Variants in KCNH7 observed in about 807,000 individuals in gnomAD.
The protein encoded by KCNH7 is potassium voltage-gated channel subfamily H member 7.
In KCNH7, 49 loss-of-function variants were observed where a neutral mutation model predicts 120.8. That is an observed-to-expected ratio of 0.41 (90% CI 0.32 to 0.51). The LOEUF (loss-of-function observed/expected upper bound fraction) is 0.51, where lower values mean the gene tolerates loss of function less well. Among genes scored for constraint, KCNH7 ranks in the 20% least tolerant of loss-of-function variants. The probability of loss-of-function intolerance (pLI) is 0.38; values close to 1 mark genes in which losing one functional copy is unlikely to be tolerated. For synonymous variants in KCNH7, 547 were observed against 516.1 expected (o/e 1.06, Z -0.81); for missense variants, 1,097 against 1,446.6 (o/e 0.76, Z 3.92).
intron 2 of KCNH7, among the ~76,000 whole-genome samples, chr2:162,676,166 T>G (rs1685523142): frequency 6.6e-6 from 1 of 151,512 alleles, no homozygotes; most frequent in South Asian, 2.1e-4. Flanking sequence ...CTTGAATACA[T>G]TGTAATAGTG....
intron 2 of KCNH7, among the ~76,000 whole-genome samples, chr2:162,638,638 G>T (rs1684044212): frequency 6.6e-6 from 1 of 152,068 alleles, no homozygotes; most frequent in African/African-American, 2.4e-5. Flanking sequence ...ATGACTATCA[G>T]CAATATGTAC....
chr2:162,752,009 G>A (rs1254005831), intron 2 of KCNH7, among the ~76,000 whole-genome samples: 1 of 151,946 alleles, frequency 6.6e-6, no homozygotes, highest in African/African-American at 2.4e-5. Context: ...TTAAGTATTT[G>A]CTTGTTTTCC....
chr2:162,671,672 T>C (rs898773929), intron 2 of KCNH7, among the ~76,000 whole-genome samples: 3 of 151,946 alleles, frequency 2.0e-5, no homozygotes, highest in Admixed American at 6.6e-5. Flanking sequence ...ATGCAATATA[T>C]CTATGTAACA....
intron 2 of KCNH7, among the ~76,000 whole-genome samples, chr2:162,695,463 T>A (rs1009982400): frequency 1.3e-5 from 2 of 152,090 alleles, no homozygotes; most frequent in South Asian, 2.1e-4. Flanking sequence ...GATATTTCTG[T>A]GAACTCCAAA....
intron 6 of KCNH7, among the ~76,000 whole-genome samples, chr2:162,480,235 T>C (rs1008275220): frequency 6.6e-6 from 1 of 152,160 alleles, no homozygotes; most frequent in Non-Finnish European, 1.5e-5. Context: ...CCTGACTGAT[T>C]ACTACATTGT....
chr2:162,395,041 TTAA>T (rs1686868927), intron 11 of KCNH7, among the ~76,000 whole-genome samples: 1 of 151,918 alleles, frequency 6.6e-6, no homozygotes, highest in African/African-American at 2.4e-5. Flanking sequence ...TTATGATTTT[TTAA>T]TAATATTTTC....
chr2:162,628,830 C>T (rs1049254196), intron 2 of KCNH7, among the ~76,000 whole-genome samples: 8 of 151,958 alleles, frequency 5.3e-5, no homozygotes, highest in African/African-American at 1.9e-4. Flanking sequence ...ATGTGTGCCA[C>T]TTTATTGCTA....
chr2:162,504,388 G>A (rs979960349), intron 6 of KCNH7, 55 bp downstream of exon 6: 4 of 1,273,510 alleles, frequency 3.1e-6, no homozygotes, highest in Non-Finnish European at 3.4e-6. Context: ...TATGTTTCAT[G>A]GTGCAGAAAC....
At chr2:162,580,801 T>C (rs926346325) in intron 2 of KCNH7, among the ~76,000 whole-genome samples, 3 of 151,880 alleles carry the variant, frequency 2.0e-5, no homozygotes, top group African/African-American at 7.3e-5. Flanking sequence ...GGGTAGGAAA[T>C]AGAGGGCACA....
intron 3 of KCNH7, among the ~76,000 whole-genome samples, chr2:162,523,862 A>C (rs146533079): frequency 6.6e-6 from 1 of 151,904 alleles, no homozygotes. Flanking sequence ...CAAAAACCCA[A>C]TTAAATATAA....
intron 2 of KCNH7, among the ~76,000 whole-genome samples, chr2:162,767,387 G>C (rs1042529329): frequency 7.9e-5 from 12 of 152,022 alleles, no homozygotes; most frequent in Non-Finnish European, 1.8e-4. Flanking sequence ...ATGAAAGCTT[G>C]GTCCTCACAT....
intron 2 of KCNH7, among the ~76,000 whole-genome samples, chr2:162,691,526 T>C (rs181266048): frequency 1.3e-5 from 2 of 152,252 alleles, no homozygotes; most frequent in Admixed American, 1.3e-4. Flanking sequence ...TGATGAATTA[T>C]AGGAAAAACA....
chr2:162,734,523 T>A (rs182626840), intron 2 of KCNH7, among the ~76,000 whole-genome samples: 308 of 152,252 alleles, frequency 2.0e-3, no homozygotes, highest in Admixed American at 3.4e-3. Flanking sequence ...TGGGATGTAT[T>A]TTGAAACATT....
intron 2 of KCNH7, among the ~76,000 whole-genome samples, chr2:162,539,518 T>C (rs1692231631): frequency 6.6e-6 from 1 of 152,090 alleles, no homozygotes; most frequent in Admixed American, 6.6e-5. Context: ...GGCAAAATCA[T>C]GTTTTCTAAT....
chr2:162,374,856 A>G (rs1205704892), intron 14 of KCNH7, among the ~76,000 whole-genome samples: 1 of 152,292 alleles, frequency 6.6e-6, no homozygotes, highest in Non-Finnish European at 1.5e-5. Context: ...TGAATGATAC[A>G]TGACTTTGCA....
intron 2 of KCNH7, among the ~76,000 whole-genome samples, chr2:162,642,603 G>A (rs1684201318): frequency 6.6e-6 from 1 of 152,218 alleles, no homozygotes. Context: ...AATGATTCAT[G>A]GAGGACCATT....
intron 2 of KCNH7, among the ~76,000 whole-genome samples, chr2:162,787,021 T>C (rs1022812848): frequency 2.0e-5 from 3 of 152,178 alleles, no homozygotes; most frequent in South Asian, 2.1e-4. Context: ...ATGATACCTT[T>C]AGCATGTGGG....
rs1318440564 is a variant in KCNH7, at chr2:162,384,719, C to T, written c.2931G>A (p.Met977Ile). 5 of 1,612,434 alleles carry T rather than the reference C, an allele frequency of 3.1e-6. No homozygotes were observed. Among genetic ancestry groups the T allele is most frequent in the Admixed American group, 1.7e-5 (1 of 59,868 alleles). Residue 977 changes from methionine (M) to isoleucine (I), a missense_variant, in exon 13 of 16, where the codon ATG becomes ATA. Met to Ile is a conservative substitution (Grantham distance 10). This residue lies in a region of KCNH7 where 406 missense variants were observed against 410.5 expected (regional missense o/e 0.99). Transcript: ENST00000332142. ...AAGAGTGACTTCTTTTATCTATGTG[C>T]ATTCTTCCTGAGGTGGGCACTGTTT... The part of the protein sequence containing the change: ...FEETVPTSGR[M>I]HIDKRSHSCK...
chr2:162,779,960 T>C (rs1198608558), intron 2 of KCNH7, among the ~76,000 whole-genome samples: 1 of 152,200 alleles, frequency 6.6e-6, no homozygotes, highest in Admixed American at 6.5e-5. Context: ...CTGCTGCAAT[T>C]GAGTTTTAAC....
Sources: gnomAD v4.1 joint callset for allele counts (sites outside exome capture counted in the v4.1 genomes callset) on GRCh38, gnomAD v4.1.1 for gene constraint, gnomAD v4.1.1 regional missense constraint, MANE v1.5 for transcripts, NCBI Gene and HGNC (gene_info 2026-07-23, HGNC 2026-07-21) for gene names.